Variants in ATL2 observed in about 807,000 individuals in gnomAD.
ATL2 encodes the protein atlastin-2.
ATL2 carries 31 observed loss-of-function variants against 73.9 expected under a neutral mutation model. That is an observed-to-expected ratio of 0.42 (90% CI 0.32 to 0.57). The LOEUF is 0.57. ATL2 is among the 20% of genes least tolerant of loss of function. The probability of loss-of-function intolerance (pLI) is 0.14; values close to 1 mark genes in which losing one functional copy is unlikely to be tolerated. For synonymous variants in ATL2, 291 were observed against 237.5 expected (o/e 1.23, Z -2.07); for missense variants, 738 against 702.6 (o/e 1.05, Z -0.57).
At chr2:38,370,508 T>C (rs1671622971) in intron 1 of ATL2, among the ~76,000 whole-genome samples, 1 of 136,964 alleles carries the variant, frequency 7.3e-6, no homozygotes, top group African/African-American at 2.7e-5. Context: ...CAGTGGCTCA[T>C]GCCTGTAATC....
chr2:38,304,935 T>C (rs1187510331), intron 9 of ATL2, among the ~76,000 whole-genome samples: 2 of 152,136 alleles, frequency 1.3e-5, no homozygotes, highest in Admixed American at 6.5e-5. Flanking sequence ...ATCAGTAACA[T>C]TGAGTGTAAA....
At chr2:38,346,516 G>A in intron 1 of ATL2, among the ~76,000 whole-genome samples, 1 of 152,056 alleles carries the variant, frequency 6.6e-6, no homozygotes, top group East Asian at 1.9e-4. Flanking sequence ...TTGGTACCAG[G>A]GTCTGGTTTC....
At chr2:38,301,443 G>A (rs184442921) in intron 9 of ATL2, among the ~76,000 whole-genome samples, 9 of 152,270 alleles carry the variant, frequency 5.9e-5, no homozygotes, top group Admixed American at 5.9e-4. Flanking sequence ...CACAGTACCT[G>A]GTTTTAACTT....
At chr2:38,372,618 T>G (rs1427148330) in intron 1 of ATL2, among the ~76,000 whole-genome samples, 1 of 152,198 alleles carries the variant, frequency 6.6e-6, no homozygotes, top group African/African-American at 2.4e-5. Flanking sequence ...TGCCACAGGA[T>G]TGTCTAAAAT....
At chr2:38,330,355 G>A (rs1394077180) in intron 2 of ATL2, among the ~76,000 whole-genome samples, 1 of 151,878 alleles carries the variant, frequency 6.6e-6, no homozygotes, top group Non-Finnish European at 1.5e-5. Flanking sequence ...AACAGACAAG[G>A]ATATTCATTA....
At chr2:38,359,621 G>GT (rs1411140935) in intron 1 of ATL2, 1 of 151,966 alleles carries the variant, frequency 6.6e-6, no homozygotes, top group African/African-American at 2.4e-5. Context: ...CGTTTCCATA[G>GT]TAACTACCAC....
At chr2:38,369,512 T>C (rs1296104676) in intron 1 of ATL2, among the ~76,000 whole-genome samples, 6 of 151,822 alleles carry the variant, frequency 4.0e-5, no homozygotes, top group African/African-American at 1.2e-4. Flanking sequence ...GGTCTCGAAC[T>C]CCTGACTTTG....
intron 9 of ATL2, among the ~76,000 whole-genome samples, chr2:38,305,509 G>A (rs7609214): frequency 0.48 from 73,460 of 151,814 alleles, 19,989 homozygotes; most frequent in African/African-American, 0.75. Flanking sequence ...AGACTGCTCC[G>A]CTGCACTCCA....
At chr2:38,350,978 T>G (rs1231435569) in intron 1 of ATL2, among the ~76,000 whole-genome samples, 1 of 152,188 alleles carries the variant, frequency 6.6e-6, no homozygotes, top group Non-Finnish European at 1.5e-5. Flanking sequence ...TAATAAAATG[T>G]AGCATTAATG....
chr2:38,331,612 CA>C (rs35381890), intron 2 of ATL2, among the ~76,000 whole-genome samples: 20,710 of 92,128 alleles, frequency 0.22, 1,676 homozygotes, highest in African/African-American at 0.35. Context: ...GACTCCATCT[CA>C]AAAAAAAAAA....
At chr2:38,327,061 G>GA (rs200130107) in intron 2 of ATL2, among the ~76,000 whole-genome samples, 15,185 of 149,176 alleles carry the variant, frequency 0.1, 2,539 homozygotes, top group African/African-American at 0.35. Context: ...CTGGAAAAAA[G>GA]AAAAAAAAAC....
At chr2:38,367,901 G>A (rs1416253577) in intron 1 of ATL2, among the ~76,000 whole-genome samples, 6 of 150,796 alleles carry the variant, frequency 4.0e-5, no homozygotes, top group African/African-American at 1.5e-4. Flanking sequence ...CTAAAGTGCT[G>A]GGATTACAAA....
intron 1 of ATL2, among the ~76,000 whole-genome samples, chr2:38,344,494 C>T (rs1336614928): frequency 6.6e-6 from 1 of 152,054 alleles, no homozygotes; most frequent in Non-Finnish European, 1.5e-5. Flanking sequence ...CCTGTAGTCC[C>T]AGCTACTTGG....
At chr2:38,313,418 AT>A (rs1322452264) in intron 6 of ATL2, among the ~76,000 whole-genome samples, 175 bp from the exon 7 acceptor site, 1 of 152,164 alleles carries the variant, frequency 6.6e-6, no homozygotes, top group East Asian at 1.9e-4. Flanking sequence ...CTTAAACAAC[AT>A]TCTCAGGCCC....
At position 38,296,007 on chromosome 2, in the gene ATL2, A is replaced by G. The variant is rs569319619; in HGVS notation, c.1739T>C (p.Leu580Ser). Reference protein sequence around the residue: ...LTDQVSHHARLKTD With the variant: ...LTDQVSHHARSKTD ...GGAGATGAACTGTCAGTCTGTCTTT[A>G]ATCTGGCATGATGAGACACCTGGTC... Residue 580 changes from leucine (L) to serine (S), a missense_variant, in exon 13 of 13, where the codon TTA becomes TCA. Leu to Ser is a moderately radical substitution (Grantham distance 145). Coordinates refer to ENST00000378954, the MANE Select transcript of ATL2 (RefSeq NM_001135673.4). 2 of 1,550,088 alleles carry G rather than the reference A, an allele frequency of 1.3e-6. No individual in the cohort carries two copies.
chr2:38,299,475 G>A (rs887823567), intron 10 of ATL2, 148 bp from the exon 11 acceptor site: 41 of 802,298 alleles, frequency 5.1e-5, no homozygotes, highest in Admixed American at 2.8e-4. Context: ...GCAAGGGAAC[G>A]TTGGTATAAA....
chr2:38,370,448 C>CAAAAAAAAAAA (rs55964015), intron 1 of ATL2, among the ~76,000 whole-genome samples: 6 of 55,188 alleles, frequency 1.1e-4, no homozygotes, highest in Non-Finnish European at 1.9e-4. Context: ...GACTCTGTCC[C>CAAAAAAAAAAA]AAAAAAAAAA....
upstream of ATL2, among the ~76,000 whole-genome samples, chr2:38,377,859 C>T (rs918130348): frequency 4.6e-5 from 7 of 151,546 alleles, no homozygotes; most frequent in Non-Finnish European, 1.0e-4. Context: ...TGCTTCCCCT[C>T]CCCCCCACCA....
intron 1 of ATL2, among the ~76,000 whole-genome samples, chr2:38,355,385 G>A (rs1403654378): frequency 1.3e-5 from 2 of 152,118 alleles, no homozygotes; most frequent in Non-Finnish European, 2.9e-5. Context: ...CAAAGTGCTG[G>A]GATTACAGGC....
Sources: gnomAD v4.1 joint callset for allele counts (sites outside exome capture counted in the v4.1 genomes callset) on GRCh38, gnomAD v4.1.1 for gene constraint, MANE v1.5 for transcripts, NCBI Gene and HGNC (gene_info 2026-07-23, HGNC 2026-07-21) for gene names.